The following PDE10A variants were observed in gnomAD, a reference collection of about 807,000 sequenced individuals.
PDE10A encodes the protein phosphodiesterase 10A.
Under a neutral mutation model 97.7 loss-of-function variants are expected in PDE10A, and 39 were observed. The ratio of observed to expected loss-of-function variants is 0.40; its 90% CI spans 0.31 to 0.52. PDE10A has a LOEUF of 0.52. Among genes scored for constraint, PDE10A ranks in the 20% least tolerant of loss-of-function variants. PDE10A has a pLI of 0.56. For synonymous variants in PDE10A, 371 were observed against 376.8 expected, an observed-to-expected ratio of 0.98 and a Z score of 0.18; for missense variants, 731 against 1,047.8, an observed-to-expected ratio of 0.70 and a Z score of 4.17.
At chr6:165,758,533 G>GGAAGAGGAAGAGGAAGAA (rs1348561138) in intron 1 of PDE10A, among the ~76,000 whole-genome samples, 17 of 81,366 alleles carry the variant, frequency 2.1e-4, no homozygotes, top group South Asian at 5.5e-4. Flanking sequence ...AAGAAGAAGA[G>GGAAGAGGAAGAGGAAGAA]GAAGAGGAAG....
chr6:165,719,203 C>T (rs1418337457), intron 1 of PDE10A, among the ~76,000 whole-genome samples: 4 of 152,112 alleles, frequency 2.6e-5, no homozygotes, highest in Admixed American at 1.3e-4. Context: ...AGAAGTAACA[C>T]AGGAAAATCA....
At chr6:165,679,078 T>C (rs1010301739) in intron 1 of PDE10A, among the ~76,000 whole-genome samples, 3 of 152,238 alleles carry the variant, frequency 2.0e-5, no homozygotes, top group African/African-American at 7.2e-5. Context: ...TTTAAAGTAC[T>C]CAACAGGTGG....
chr6:165,637,481 G>A lies in PDE10A; in HGVS notation c.865+24466C>T, dbSNP rs1045252352. Reference sequence around the variant, plus strand: ...TATGGCGGACGGGTAACACACACAAGACTGCGGAAAATTTTTCACATTTGG... The same window carrying A: ...TATGGCGGACGGGTAACACACACAAAACTGCGGAAAATTTTTCACATTTGG... On this transcript the variant is annotated intron_variant, in intron 1 of 21. Transcript: ENST00000539869. Among the ~76,000 whole-genome samples, 4 of 152,266 alleles carry A rather than the reference G, an allele frequency of 2.6e-5. 1 individual carries two copies. Among genetic ancestry groups the A allele is most frequent in the Admixed American group, 2.0e-4 (3 of 15,290 alleles).
chr6:165,826,656 C>T (rs962645329), intron 1 of PDE10A, among the ~76,000 whole-genome samples: 1 of 152,070 alleles, frequency 6.6e-6, no homozygotes, highest in Non-Finnish European at 1.5e-5. Flanking sequence ...CGAGGTACCC[C>T]CGTGTGTCTG....
chr6:165,923,443 G>A (rs1208182059), intron 1 of PDE10A, among the ~76,000 whole-genome samples: 3 of 152,190 alleles, frequency 2.0e-5, no homozygotes, highest in South Asian at 2.1e-4. Flanking sequence ...CAGCACCGTC[G>A]ATATGTAGAT....
intron 13 of PDE10A, among the ~76,000 whole-genome samples, chr6:165,404,821 T>C (rs540056691): frequency 6.6e-6 from 1 of 152,076 alleles, no homozygotes; most frequent in East Asian, 1.9e-4. Flanking sequence ...ACAACTATTC[T>C]AGTTTATGGA....
At chr6:165,769,978 A>G (rs1777959049) in intron 1 of PDE10A, among the ~76,000 whole-genome samples, 2 of 152,216 alleles carry the variant, frequency 1.3e-5, no homozygotes, top group Non-Finnish European at 2.9e-5. Context: ...TTCTTTTATA[A>G]TGTAATTCCT....
At chr6:165,530,323 C>T (rs601538) in intron 2 of PDE10A, among the ~76,000 whole-genome samples, 104,478 of 150,902 alleles carry the variant, frequency 0.69, 39,457 homozygotes, top group Non-Finnish European at 0.83. Context: ...TTAGTTCTGT[C>T]CCTCTAGAGA....
intron 1 of PDE10A, among the ~76,000 whole-genome samples, chr6:165,837,593 T>A (rs1228083834): frequency 3.9e-5 from 6 of 151,938 alleles, no homozygotes; most frequent in African/African-American, 1.5e-4. Context: ...TCACTAATTG[T>A]GAATGATGTT....
upstream of PDE10A, among the ~76,000 whole-genome samples, chr6:165,663,768 CTG>C (rs955782290): frequency 2.6e-5 from 4 of 152,224 alleles, 1 homozygote; most frequent in South Asian, 6.2e-4. Context: ...AAAGGGCAAA[CTG>C]TGGCCAAAAA....
intron 2 of PDE10A, among the ~76,000 whole-genome samples, chr6:165,507,859 A>G (rs1401967876): frequency 6.6e-6 from 1 of 152,114 alleles, no homozygotes; most frequent in Non-Finnish European, 1.5e-5. Flanking sequence ...CTGAGGCTAC[A>G]TACAAAATGT....
chr6:165,784,708 GACAGCCA>G (rs1301654881), intron 1 of PDE10A, among the ~76,000 whole-genome samples: 1 of 152,174 alleles, frequency 6.6e-6, no homozygotes, highest in African/African-American at 2.4e-5. Context: ...TGGGTATTGG[GACAGCCA>G]GAGACACTGA....
chr6:165,743,828 C>T (rs1048049194), intron 1 of PDE10A, among the ~76,000 whole-genome samples: 3 of 152,188 alleles, frequency 2.0e-5, no homozygotes, highest in Non-Finnish European at 4.4e-5. Flanking sequence ...GTACTATCTT[C>T]GTTTTGTAGA....
At chr6:165,879,715 T>A (rs576931427) in intron 1 of PDE10A, among the ~76,000 whole-genome samples, 3 of 152,258 alleles carry the variant, frequency 2.0e-5, no homozygotes, top group African/African-American at 7.2e-5. Context: ...TAATACCTAC[T>A]TCTAATACCT....
chr6:165,775,921 A>G (rs922284047), intron 1 of PDE10A: 2 of 152,266 alleles, frequency 1.3e-5, no homozygotes, highest in Non-Finnish European at 2.9e-5. Context: ...AATTACTTCC[A>G]GAAACGGATT....
intron 1 of PDE10A, among the ~76,000 whole-genome samples, chr6:165,574,344 A>G (rs2128348097): frequency 6.6e-6 from 1 of 152,240 alleles, no homozygotes; most frequent in East Asian, 1.9e-4. Flanking sequence ...GATTGGGAAT[A>G]GGTTAACTGC....
At chr6:165,848,840 C>A (rs763747681) in intron 1 of PDE10A, among the ~76,000 whole-genome samples, 2 of 151,998 alleles carry the variant, frequency 1.3e-5, no homozygotes, top group Non-Finnish European at 2.9e-5. Context: ...CCAGGGGGGC[C>A]CCACGGGATC....
intron 1 of PDE10A, among the ~76,000 whole-genome samples, chr6:165,757,269 C>T (rs116385966): frequency 0.016 from 2,400 of 152,114 alleles, 56 homozygotes; most frequent in African/African-American, 0.054. Context: ...GCCTAGGATG[C>T]TAGTCTTTTT....
At chr6:165,968,209 G>A (rs1350248827) in intron 1 of PDE10A, among the ~76,000 whole-genome samples, 1 of 152,214 alleles carries the variant, frequency 6.6e-6, no homozygotes, top group Non-Finnish European at 1.5e-5. Flanking sequence ...CTCATCAAGA[G>A]GCATGATATT....
Sources: allele counts gnomAD v4.1 joint callset (sites outside exome capture counted in the v4.1 genomes callset), GRCh38; gene constraint gnomAD v4.1.1; transcripts MANE v1.5; gene names NCBI Gene and HGNC (gene_info 2026-07-23, HGNC 2026-07-21).